ATP2B2: variants seen among roughly 807,000 people sequenced by gnomAD.
The protein encoded by ATP2B2 is ATPase plasma membrane Ca2+ transporting 2.
ATP2B2 carries 15 observed loss-of-function variants against 120.0 expected under a neutral mutation model. That is an observed-to-expected ratio of 0.12 (90% CI 0.08 to 0.19). ATP2B2 has a LOEUF of 0.19. Ranked by LOEUF, ATP2B2 falls within the 10% of genes least tolerant of loss-of-function variation. ATP2B2 has a pLI of 1.00. For synonymous variants in ATP2B2, 694 were observed against 700.3 expected (o/e 0.99, Z 0.14); for missense variants, 1,045 against 1,719.8 (o/e 0.61, Z 6.94).
chr3:10,687,826 A>G (rs2071560409), intron 1 of ATP2B2, among the ~76,000 whole-genome samples: 1 of 151,998 alleles, frequency 6.6e-6, no homozygotes, highest in South Asian at 2.1e-4. Flanking sequence ...ACACCACCGC[A>G]CTCCAGCCTG....
chr3:10,695,251 GGAGAGAGA>G (rs140200422), intron 1 of ATP2B2, among the ~76,000 whole-genome samples: 21 of 126,962 alleles, frequency 1.7e-4, no homozygotes, highest in African/African-American at 4.4e-4. Context: ...AGGGAGGGAG[GGAGAGAGA>G]GAGAGAGAGA....
At chr3:10,385,512 G>A (rs960607493) in intron 7 of ATP2B2, among the ~76,000 whole-genome samples, 185 bp from the exon 8 acceptor site, 1 of 152,198 alleles carries the variant, frequency 6.6e-6, no homozygotes, top group African/African-American at 2.4e-5. Context: ...ATGCCGCAGA[G>A]GTTGAGGGGA....
At chr3:10,668,946 G>A (rs2071021526) in intron 1 of ATP2B2, among the ~76,000 whole-genome samples, 1 of 152,222 alleles carries the variant, frequency 6.6e-6, no homozygotes, top group Non-Finnish European at 1.5e-5. Context: ...GCACTGTTCT[G>A]TCCCCTCCTT....
chr3:10,345,948 G>A (rs1227403448), intron 17 of ATP2B2, 83 bp downstream of exon 17: 3 of 1,382,066 alleles, frequency 2.2e-6, no homozygotes, highest in Non-Finnish European at 3.0e-6. Flanking sequence ...TGTGAACTGG[G>A]GCTCCTGAGT....
At chr3:10,491,567 A>C (rs73119481) in intron 1 of ATP2B2, among the ~76,000 whole-genome samples, 18,978 of 152,110 alleles carry the variant, frequency 0.12, 1,427 homozygotes, top group African/African-American at 0.22. Context: ...CGGGTATCCT[A>C]CAGCTGGCAA....
At chr3:10,576,590 G>C (rs1189568505) in intron 2 of ATP2B2, among the ~76,000 whole-genome samples, 1 of 151,928 alleles carries the variant, frequency 6.6e-6, no homozygotes, top group Non-Finnish European at 1.5e-5. Flanking sequence ...ATATTCCCCA[G>C]GCTGGTCTTC....
intron 1 of ATP2B2, among the ~76,000 whole-genome samples, chr3:10,664,327 C>T (rs1396831291): frequency 6.6e-6 from 1 of 152,144 alleles, no homozygotes; most frequent in Non-Finnish European, 1.5e-5. Flanking sequence ...TTTGGTTTAT[C>T]CTTAACAACA....
At chr3:10,529,692 G>T (rs2067170845) in intron 3 of ATP2B2, among the ~76,000 whole-genome samples, 1 of 152,174 alleles carries the variant, frequency 6.6e-6, no homozygotes, top group African/African-American at 2.4e-5. Context: ...AAGATAGGTT[G>T]AAGTCCTAAC....
intron 1 of ATP2B2, among the ~76,000 whole-genome samples, chr3:10,695,335 C>G (rs1188146642): frequency 6.6e-6 from 1 of 150,750 alleles, no homozygotes. Context: ...ATCTTGTGAG[C>G]CTTATTCACT....
At chr3:10,537,036 T>A (rs1404161508) in intron 2 of ATP2B2, among the ~76,000 whole-genome samples, 1 of 152,208 alleles carries the variant, frequency 6.6e-6, no homozygotes, top group Non-Finnish European at 1.5e-5. Flanking sequence ...GTACCTTTGT[T>A]AAAAATAGGT....
intron 2 of ATP2B2, among the ~76,000 whole-genome samples, chr3:10,617,702 C>T (rs770010213): frequency 3.9e-5 from 6 of 152,258 alleles, no homozygotes; most frequent in South Asian, 2.1e-4. Flanking sequence ...CTGGTCTTCA[C>T]ACAGGGACGA....
At position 10,675,210 on chromosome 3, in the gene ATP2B2, C is replaced by A. The variant is rs1444734824; in HGVS notation, c.-460+32705G>T. On this transcript the variant is annotated intron_variant, in intron 1 of 21. Coordinates refer to the ATP2B2 transcript ENST00000646379. ...CTGCAGTTTTTCGAACTGAGCACAC[C>A]TATGTGTCCAAACACAGAAATGACT... 2.0e-5 allele frequency among the ~76,000 whole-genome samples: 3 copies of A among 152,300 alleles called. No homozygotes were observed. In the East Asian group the frequency reaches 5.8e-4, roughly 29 times the overall value.
Position 10,635,783 on chromosome 3 carries a change from G to C in ATP2B2, c.-459-15822C>G, listed in dbSNP as rs1485667801. On this transcript the variant is annotated intron_variant, in intron 1 of 21. Transcript: ENST00000646379. The surrounding 1 kb of genome is among the most constrained non-coding windows in gnomAD (Gnocchi z 4.3). ...GCTTTGCACTGACCAGGCTGGGCTG[G>C]AGTCAGCAAATGATCCCCTGGTGGG... 6.6e-6 allele frequency among the ~76,000 whole-genome samples: 1 copy of C among 152,178 alleles called. No homozygotes were observed. Among genetic ancestry groups the C allele is most frequent in the East Asian group, 1.9e-4 (1 of 5,202 alleles).
intron 7 of ATP2B2, 61 bp downstream of exon 7, chr3:10,386,419 A>G: frequency 6.3e-7 from 1 of 1,580,130 alleles, no homozygotes; most frequent in Non-Finnish European, 8.7e-7. Flanking sequence ...GGCAGGGCCC[A>G]ATGACCAAAG....
chr3:10,586,172 T>C (rs543474441), intron 2 of ATP2B2, among the ~76,000 whole-genome samples: 1 of 152,246 alleles, frequency 6.6e-6, no homozygotes, highest in African/African-American at 2.4e-5. Context: ...TACCCAGTTA[T>C]GTCCTTGCTC....
At chr3:10,565,446 T>C (rs987763760) in intron 2 of ATP2B2, among the ~76,000 whole-genome samples, 2 of 152,160 alleles carry the variant, frequency 1.3e-5, no homozygotes, top group African/African-American at 4.8e-5. Flanking sequence ...TGGAATCTGT[T>C]TTGCTTCTCT....
intron 2 of ATP2B2, among the ~76,000 whole-genome samples, chr3:10,578,562 A>G (rs964752256): frequency 3.3e-5 from 5 of 152,088 alleles, no homozygotes; most frequent in African/African-American, 9.6e-5. Context: ...AAAAAAACAA[A>G]AAGAAAAACA....
At chr3:10,332,125 G>A in intron 22 of ATP2B2, 1 of 1,199,276 alleles carries the variant, frequency 8.3e-7, no homozygotes, top group East Asian at 2.6e-5. Flanking sequence ...CCAACCCAAG[G>A]TTGCACTAAA....
At chr3:10,644,231 C>A (rs1369443255) in intron 1 of ATP2B2, among the ~76,000 whole-genome samples, 1 of 152,078 alleles carries the variant, frequency 6.6e-6, no homozygotes, top group South Asian at 2.1e-4. Flanking sequence ...GAGATCACAC[C>A]CACTAGAGTG....
Sources: gnomAD v4.1 joint callset for allele counts (sites outside exome capture counted in the v4.1 genomes callset) on GRCh38, gnomAD v4.1.1 for gene constraint, Gnocchi (gnomAD v3.1) non-coding constraint, MANE v1.5 for transcripts, NCBI Gene and HGNC (gene_info 2026-07-23, HGNC 2026-07-21) for gene names.